The following KCNH7 variants were observed in gnomAD, a reference collection of about 807,000 sequenced individuals.
The protein encoded by KCNH7 is voltage-gated inwardly rectifying potassium channel KCNH7.
Under a neutral mutation model 120.8 loss-of-function variants are expected in KCNH7, and 49 were observed. The ratio of observed to expected loss-of-function variants is 0.41; its 90% CI spans 0.32 to 0.51. The LOEUF (loss-of-function observed/expected upper bound fraction) is 0.51. Ranked by LOEUF, KCNH7 falls within the 20% of genes least tolerant of loss-of-function variation. The probability of loss-of-function intolerance (pLI) is 0.38; values close to 1 mark genes in which losing one functional copy is unlikely to be tolerated. For missense variants in KCNH7, 1,097 were observed against 1,446.6 expected, an observed-to-expected ratio of 0.76 and a Z score of 3.92; for synonymous variants, 547 against 516.1, an observed-to-expected ratio of 1.06 and a Z score of -0.81.
intron 2 of KCNH7, among the ~76,000 whole-genome samples, chr2:162,718,038 C>T (rs910595803): frequency 1.3e-5 from 2 of 148,668 alleles, no homozygotes; most frequent in East Asian, 2.1e-4. Context: ...CTCTCTCTCC[C>T]TCTCTCTCTC....
At chr2:162,794,388 A>G (rs1684062625) in intron 2 of KCNH7, among the ~76,000 whole-genome samples, 1 of 152,064 alleles carries the variant, frequency 6.6e-6, no homozygotes, top group Non-Finnish European at 1.5e-5. Flanking sequence ...CCTATGATCT[A>G]TAGGTGTGCT....
chr2:162,619,127 T>C (rs1156618575), intron 2 of KCNH7, among the ~76,000 whole-genome samples: 1 of 152,068 alleles, frequency 6.6e-6, no homozygotes. Context: ...TTTTCATCAA[T>C]TGTGTGTCAG....
intron 6 of KCNH7, chr2:162,501,980 C>CT (rs1690702590): frequency 6.6e-6 from 1 of 151,986 alleles, no homozygotes; most frequent in South Asian, 2.1e-4. Context: ...AAATGCAAAG[C>CT]TTTTGATGGA....
intron 2 of KCNH7, among the ~76,000 whole-genome samples, chr2:162,721,734 G>A (rs1291398669): frequency 6.6e-6 from 1 of 151,890 alleles, no homozygotes; most frequent in African/African-American, 2.4e-5. Context: ...CATTTTGAAG[G>A]CCTGAGGTCT....
intron 2 of KCNH7, among the ~76,000 whole-genome samples, chr2:162,577,390 T>C (rs938923717): frequency 4.4e-4 from 61 of 138,832 alleles, no homozygotes; most frequent in Admixed American, 3.8e-3. Flanking sequence ...TCTATCTATC[T>C]ATCTATCCAT....
intron 2 of KCNH7, among the ~76,000 whole-genome samples, chr2:162,671,146 A>G (rs1035372913): frequency 8.5e-5 from 13 of 152,164 alleles, no homozygotes; most frequent in Admixed American, 3.3e-4. Context: ...TAGTTCATCT[A>G]TGGAAAACAG....
Position 162,715,978 on chromosome 2 carries a change from GCA to G in KCNH7, c.307+120557_307+120558del, listed in dbSNP as rs1361388612. Reference sequence around the variant, plus strand: ...TGTGTGTGTGTGTGTGTGTGTGTGTGCACACCACACTTCGGAAGGTCCTTTAA... The same window carrying G: ...TGTGTGTGTGTGTGTGTGTGTGTGTGCACCACACTTCGGAAGGTCCTTTAA... On this transcript the variant is annotated intron_variant, in intron 2 of 15. Coordinates refer to ENST00000332142, the MANE Select transcript of KCNH7 (RefSeq NM_033272.4). Among the ~76,000 whole-genome samples, 31 of 150,374 alleles carry G rather than the reference GCA, an allele frequency of 2.1e-4. No individual in the cohort carries two copies. In the Middle Eastern group the frequency reaches 0.017, roughly 83 times the overall value.
At chr2:162,458,615 T>C (rs1289815879) in intron 6 of KCNH7, among the ~76,000 whole-genome samples, 1 of 152,136 alleles carries the variant, frequency 6.6e-6, no homozygotes, top group Non-Finnish European at 1.5e-5. Context: ...AGAAAATAAG[T>C]AAAATTTAAG....
At chr2:162,715,678 A>C (rs1687093846) in intron 2 of KCNH7, among the ~76,000 whole-genome samples, 1 of 152,288 alleles carries the variant, frequency 6.6e-6, no homozygotes, top group South Asian at 2.1e-4. Flanking sequence ...GATTGTCAAA[A>C]TCCTGGTTGT....
chr2:162,523,945 T>A (rs193224499), intron 3 of KCNH7, among the ~76,000 whole-genome samples: 65 of 151,954 alleles, frequency 4.3e-4, no homozygotes, highest in African/African-American at 1.5e-3. Flanking sequence ...GAAACTTAAG[T>A]TCAAGTAGTC....
At chr2:162,621,203 AT>A (rs76520579) in intron 2 of KCNH7, among the ~76,000 whole-genome samples, 6,707 of 83,916 alleles carry the variant, frequency 0.08, 319 homozygotes, top group East Asian at 0.22. Context: ...TTATTTTGTG[AT>A]TTTTTTTTGT....
chr2:162,528,779 C>T (rs1010621210), intron 3 of KCNH7, among the ~76,000 whole-genome samples: 1 of 151,900 alleles, frequency 6.6e-6, no homozygotes, highest in Non-Finnish European at 1.5e-5. Flanking sequence ...AGCAGGAATA[C>T]TAATTGTGAG....
intron 6 of KCNH7, among the ~76,000 whole-genome samples, chr2:162,469,141 C>T (rs952377309): frequency 6.6e-6 from 1 of 151,146 alleles, no homozygotes; most frequent in African/African-American, 2.5e-5. Flanking sequence ...TGTGCTTTGC[C>T]TTCATTCTTT....
At chr2:162,430,732 C>G (rs1206154456) in intron 8 of KCNH7, among the ~76,000 whole-genome samples, 1 of 151,916 alleles carries the variant, frequency 6.6e-6, no homozygotes, top group East Asian at 1.9e-4. Context: ...TAACTGGAAG[C>G]AGAACTCCAG....
intron 6 of KCNH7, among the ~76,000 whole-genome samples, chr2:162,494,241 T>G (rs908291324): frequency 2.0e-5 from 3 of 152,176 alleles, no homozygotes; most frequent in African/African-American, 7.2e-5. Context: ...TTTTGGTCTT[T>G]CTTAAAATTT....
chr2:162,489,400 T>C (rs1470098802), intron 6 of KCNH7, among the ~76,000 whole-genome samples: 1 of 152,104 alleles, frequency 6.6e-6, no homozygotes, highest in African/African-American at 2.4e-5. Flanking sequence ...AAAAATCTCA[T>C]AATGTTCTAA....
At chr2:162,743,641 T>C (rs1688216612) in intron 2 of KCNH7, among the ~76,000 whole-genome samples, 1 of 152,166 alleles carries the variant, frequency 6.6e-6, no homozygotes, top group South Asian at 2.1e-4. Context: ...AGTGGCTCTG[T>C]AAATCAATGG....
chr2:162,395,827 A>G (rs765697390), intron 11 of KCNH7, among the ~76,000 whole-genome samples: 24 of 151,728 alleles, frequency 1.6e-4, no homozygotes, highest in Admixed American at 3.3e-4. Context: ...GGGAATGTCT[A>G]TAACTACAGC....
At chr2:162,617,932 T>A in intron 2 of KCNH7, among the ~76,000 whole-genome samples, 1 of 152,196 alleles carries the variant, frequency 6.6e-6, no homozygotes, top group African/African-American at 2.4e-5. Context: ...AAATGAATAC[T>A]TATGATTTTG....
Sources: allele counts gnomAD v4.1 joint callset (sites outside exome capture counted in the v4.1 genomes callset), GRCh38; gene constraint gnomAD v4.1.1; transcripts MANE v1.5; gene names NCBI Gene and HGNC (gene_info 2026-07-23, HGNC 2026-07-21).